The following ACTG1 variants were observed in gnomAD, a reference collection of about 807,000 sequenced individuals.
ACTG1 encodes the protein actin gamma 1.
In ACTG1, 14 loss-of-function variants were observed where a neutral mutation model predicts 34.3. The observed-to-expected ratio is 0.41, with a 90% CI of 0.27 to 0.64. ACTG1 has a LOEUF of 0.64. ACTG1 is among the 30% of genes least tolerant of loss of function. The probability of loss-of-function intolerance (pLI) is 0.33; values close to 1 mark genes in which losing one functional copy is unlikely to be tolerated. For missense variants in ACTG1, 233 were observed against 529.5 expected (o/e 0.44, Z 5.50); for synonymous variants, 422 against 213.9 (o/e 1.97, Z -8.49).
Position 81,511,126 on chromosome 17 carries a change from C to G in ACTG1, c.803-18G>C, listed in dbSNP as rs369978260. On this transcript the variant is annotated intron_variant, in intron 4 of 5. Transcript: ENST00000573283. ...TTCCATACCTAGGGGACAGAGCCCT[C>G]CCTTAGTGATGCTGTGTCACCGAGG... 1.2e-6 allele frequency: 2 copies of G among 1,613,864 alleles called. No individual in the cohort carries two copies. Among genetic ancestry groups the G allele is most frequent in the African/African-American group, 2.7e-5 (2 of 75,028 alleles).
At position 81,511,113 on chromosome 17, in the gene ACTG1, G is replaced by A. The variant is rs551818809; in HGVS notation, c.803-5C>T. The stretch of plus-strand genomic sequence containing the variant: ...GGATGCCGCAAGATTCCATACCTAG[G>A]GGACAGAGCCCTCCCTTAGTGATGC... On this transcript the variant is annotated splice_polypyrimidine_tract_variant and splice_region_variant and intron_variant, in intron 4 of 5. Coordinates refer to ENST00000573283, the MANE Select transcript of ACTG1 (RefSeq NM_001614.5). The A allele has an allele frequency of 4.1e-5, 66 of 1,613,924 alleles. No homozygotes were observed. Among genetic ancestry groups the A allele is most frequent in the Admixed American group, 8.3e-5 (5 of 60,014 alleles).
chr17:81,511,234 A>G lies in ACTG1; in HGVS notation c.756T>C (p.Asn252=), dbSNP rs1291547541. ...GCGCCTCCGGACACCGGAACCGCTC[A>G]TTGCCAATGGTGATGACCTGGCCAT... is the stretch of plus-strand genomic sequence containing the variant. ...LPDGQVITIG[N]ERFRCPEALF... Residue 252 remains asparagine, a synonymous_variant, in exon 4 of 6, where the codon AAT becomes AAC. Coordinates refer to ENST00000573283, the MANE Select transcript of ACTG1 (RefSeq NM_001614.5). 3 of 1,613,614 alleles carry G rather than the reference A, an allele frequency of 1.9e-6. No individual in the cohort carries two copies. In the African/African-American group the frequency reaches 4.0e-5, roughly 22 times the overall value.
Position 81,510,191 on chromosome 17 carries a change from C to T in ACTG1, c.*499G>A. On this transcript the variant is annotated 3_prime_UTR_variant, in exon 6 of 6. Coordinates refer to ENST00000573283, the MANE Select transcript of ACTG1 (RefSeq NM_001614.5). ...CAAGTAACAGCCCACGGTGTTCTGG[C>T]CAAAGACATCAGCTAAGAAAGGAAA... 1.9e-6 allele frequency: 1 copy of T among 519,836 alleles called. No individual in the cohort carries two copies. The highest frequency in any genetic ancestry group is 3.5e-6 in the Non-Finnish European group (1 of 286,556). 32.2% of individuals were successfully genotyped at this position (519,836 alleles called of 1,614,324 possible).
Position 81,511,915 on chromosome 17 carries a change from C to T in ACTG1, c.351G>A (p.Glu117=), listed in dbSNP as rs200772616. ...GGCCGAGCCTCACCTGAGTCATCTT[C>T]TCTCTGTTGGCCTTGGGGTTCAGGG... is the stretch of plus-strand genomic sequence containing the variant. The part of the protein sequence containing the change: ...EAPLNPKANR[E]KMTQIMFETF... The change falls in exon 3 of 6, where the codon GAG becomes GAA. Residue 117 remains glutamate (E), a synonymous_variant. Transcript: ENST00000573283. The T allele has an allele frequency of 5.3e-5, 85 of 1,614,156 alleles. No homozygotes were observed. Among genetic ancestry groups the T allele is most frequent in the Admixed American group, 2.7e-4 (16 of 60,026 alleles).
Position 81,511,591 on chromosome 17 carries a change from G to A in ACTG1, c.399C>T (p.Tyr133=), listed in dbSNP as rs2230158. ...MFETFNTPAM[Y]VAIQAVLSLY... is the part of the protein sequence containing the mutation. ...GGGACAGCACGGCCTGGATGGCCAC[G>A]TACATGGCCGGGGTGTTGAAGGTCT... Residue 133 remains tyrosine (Y), a synonymous_variant, in exon 4 of 6, where the codon TAC becomes TAT. Transcript: ENST00000573283. 0.014 allele frequency: 23,082 copies of A among 1,613,640 alleles called. 260 individuals are homozygous for A. Among genetic ancestry groups the A allele is most frequent in the Middle Eastern group, 0.025 (149 of 6,062 alleles).
In ACTG1 at chr17:81,510,655, C is replaced by A. The variant is rs1555666316; in HGVS notation, c.*35G>T. ...GGGCAAATTTCTATTCTCAATTAACCCATGCAGCAAATGCTACGCATCTGC... is the reference window on the plus strand; with the variant it reads ...GGGCAAATTTCTATTCTCAATTAACACATGCAGCAAATGCTACGCATCTGC... On this transcript the variant is annotated 3_prime_UTR_variant, in exon 6 of 6. Coordinates refer to ENST00000573283, the MANE Select transcript of ACTG1 (RefSeq NM_001614.5). 1.2e-6 allele frequency: 2 copies of A among 1,613,056 alleles called. No homozygotes were observed. Among genetic ancestry groups the A allele is most frequent in the African/African-American group, 1.3e-5 (1 of 75,008 alleles).
In ACTG1 at chr17:81,510,631, G is replaced by C. The variant is rs751477808; in HGVS notation, c.*59C>G. Reference sequence around the variant, plus strand: ...GCATGAGGTGTGTGCATTTGCCAGGGGCAAATTTCTATTCTCAATTAACCC... The same window carrying C: ...GCATGAGGTGTGTGCATTTGCCAGGCGCAAATTTCTATTCTCAATTAACCC... On this transcript the variant is annotated 3_prime_UTR_variant, in exon 6 of 6. Coordinates refer to ENST00000573283, the MANE Select transcript of ACTG1 (RefSeq NM_001614.5). 2 of 1,609,624 alleles carry C rather than the reference G, an allele frequency of 1.2e-6. No individual in the cohort carries two copies.
chr17:81,511,857 G>A (rs1448806853), intron 3 of ACTG1, 46 bp downstream of exon 3: 11 of 1,611,794 alleles, frequency 6.8e-6, no homozygotes, highest in Admixed American at 5.0e-5. Context: ...GGCAGAAAAT[G>A]ACTGGGGAAA....
chr17:81,511,598 G>A lies in ACTG1; in HGVS notation c.392C>T (p.Ala131Val), dbSNP rs2031779976. The change falls in exon 4 of 6, where the codon GCC becomes GTC. Residue 131 changes from alanine (A) to valine (V), a missense_variant. Coordinates refer to ENST00000573283, the MANE Select transcript of ACTG1 (RefSeq NM_001614.5). ...QIMFETFNTP[A>V]MYVAIQAVLS... ...CACGGCCTGGATGGCCACGTACATG[G>A]CCGGGGTGTTGAAGGTCTCAAACAT... is the stretch of plus-strand genomic sequence containing the variant. 1 of 1,613,532 alleles carries A rather than the reference G, an allele frequency of 6.2e-7. No individual in the cohort carries two copies. Among genetic ancestry groups the A allele is most frequent in the Non-Finnish European group, 8.5e-7 (1 of 1,180,006 alleles).
At chr17:81,512,525 A>G (rs1555667406) in intron 1 of ACTG1, 165 bp from the exon 2 acceptor site, 1 of 1,146,606 alleles carries the variant, frequency 8.7e-7, no homozygotes, top group South Asian at 1.3e-5. Context: ...CCTTTTACGT[A>G]ACGTCCACGG....
In ACTG1 at chr17:81,510,236, C is replaced by T. The variant is rs1482140180; in HGVS notation, c.*454G>A. The T allele has an allele frequency of 3.0e-5, 16 of 528,588 alleles. No individual in the cohort carries two copies. Among genetic ancestry groups the T allele is most frequent in the East Asian group, 6.7e-5 (1 of 14,820 alleles). 32.7% of individuals were successfully genotyped at this position (528,588 alleles called of 1,614,324 possible). A position where few individuals can be genotyped will look rare whatever the true frequency, so the allele number is the denominator to read the frequency against. The stretch of plus-strand genomic sequence containing the variant: ...AGGAAACTGGGTCCTACGGCTTGGA[C>T]TTTCCAACCCTGACAGACCCGCAAG... On this transcript the variant is annotated 3_prime_UTR_variant, in exon 6 of 6. Coordinates refer to ENST00000573283, the MANE Select transcript of ACTG1 (RefSeq NM_001614.5).
chr17:81,511,823 A>G lies in ACTG1; in HGVS notation c.363+80T>C, dbSNP rs781939525. On this transcript the variant is annotated intron_variant, in intron 3 of 5. Coordinates refer to ENST00000573283, the MANE Select transcript of ACTG1 (RefSeq NM_001614.5). ...CAGAGCCTGGAACAGCGAAAGAAAC[A>G]CTTAAATGTCAGAAATCAAGCCGGG... 16 of 1,605,934 alleles carry G rather than the reference A, an allele frequency of 1.0e-5. No individual in the cohort carries two copies. In the South Asian group the frequency reaches 1.3e-4, roughly 13 times the overall value.
chr17:81,512,450 G>A (rs782132789), intron 1 of ACTG1, 90 bp from the exon 2 acceptor site: 16 of 1,604,528 alleles, frequency 1.0e-5, no homozygotes, highest in Middle Eastern at 3.3e-4. Context: ...GGGAAGCCTC[G>A]GCCCTGCCCC....
In ACTG1 at chr17:81,510,436, A is replaced by G. The variant is rs1555666165; in HGVS notation, c.*254T>C. On this transcript the variant is annotated 3_prime_UTR_variant, in exon 6 of 6. Coordinates refer to ENST00000573283, the MANE Select transcript of ACTG1 (RefSeq NM_001614.5). ...ACGAAGTGACCAAGCCACACGTACT[A>G]AAGGTTGAACTCAAAGATATGTACA... is the stretch of plus-strand genomic sequence containing the variant. 2 of 613,648 alleles carry G rather than the reference A, an allele frequency of 3.3e-6. No homozygotes were observed. The highest frequency in any genetic ancestry group is 3.4e-5 in the East Asian group (1 of 29,276). The allele number at this position is 613,648 out of a possible 1,614,324, so 38.0% of individuals were successfully genotyped here.
intron 1 of ACTG1, 142 bp from the exon 2 acceptor site, chr17:81,512,502 A>G: frequency 2.2e-6 from 3 of 1,378,454 alleles, no homozygotes; most frequent in Non-Finnish European, 3.1e-6. Flanking sequence ...ACCGCCTGGA[A>G]CCGAAGGCCG....
chr17:81,510,820 G>A lies in ACTG1; in HGVS notation c.998C>T (p.Pro333Leu). The A allele has an allele frequency of 6.2e-7, 1 of 1,613,964 alleles. No individual in the cohort carries two copies. ...GATCCACACCGAGTACTTGCGCTCT[G>A]GGGGTGCGATGATCTGCAAAGACAG... is the stretch of plus-strand genomic sequence containing the variant. ...STMKIKIIAPPERKYSVWIGG... is the reference protein window; with the variant it reads ...STMKIKIIAPLERKYSVWIGG... The change falls in exon 6 of 6, where the codon CCA becomes CTA. Residue 333 changes from proline (P) to leucine (L), a missense_variant. Pro to Leu is a moderately conservative substitution (Grantham distance 98). Transcript: ENST00000573283.
In ACTG1 at chr17:81,512,773, G is replaced by C. The variant is rs781836332; in HGVS notation, c.-46C>G. 6.2e-5 allele frequency: 26 copies of C among 417,380 alleles called. No homozygotes were observed. The highest frequency in any genetic ancestry group is 2.0e-4 in the East Asian group (2 of 9,904). The allele number at this position is 417,380 out of a possible 1,614,324, so 25.9% of individuals were successfully genotyped here. ...GACGGCGGAGCGGCGGAAGAACAGA[G>C]TGCGAGAGCTGGCAGCGGCGACTGA... On this transcript the variant is annotated 5_prime_UTR_variant, in exon 1 of 6. Coordinates refer to ENST00000573283, the MANE Select transcript of ACTG1 (RefSeq NM_001614.5).
In ACTG1 at chr17:81,512,451, G is replaced by A. The variant is rs1247638073; in HGVS notation, c.-6-91C>T. 1.2e-5 allele frequency: 20 copies of A among 1,604,602 alleles called. No individual in the cohort carries two copies. In the South Asian group the frequency reaches 1.5e-4, roughly 12 times the overall value. The stretch of plus-strand genomic sequence containing the variant: ...AATGCCCTCCCGCGGGGAAGCCTCG[G>A]CCCTGCCCCAACCCCAGCGGCCGTG... On this transcript the variant is annotated intron_variant, in intron 1 of 5. Transcript: ENST00000573283.
In ACTG1 at chr17:81,511,567, G is replaced by T; in HGVS notation, c.423C>A (p.Ser141=). The change falls in exon 4 of 6, where the codon TCC becomes TCA. Residue 141 remains serine (S), a synonymous_variant. Transcript: ENST00000573283. The part of the protein sequence containing the change: ...AMYVAIQAVL[S]LYASGRTTGI... Reference sequence around the variant, plus strand: ...CAGTGGTGCGCCCAGAGGCGTAGAGGGACAGCACGGCCTGGATGGCCACGT... The same window carrying T: ...CAGTGGTGCGCCCAGAGGCGTAGAGTGACAGCACGGCCTGGATGGCCACGT... The T allele has an allele frequency of 6.2e-7, 1 of 1,613,846 alleles. No individual in the cohort carries two copies. Among genetic ancestry groups the T allele is most frequent in the Non-Finnish European group, 8.5e-7 (1 of 1,180,016 alleles).
Sources: gnomAD v4.1 joint callset for allele counts on GRCh38, gnomAD v4.1.1 for gene constraint, MANE v1.5 for transcripts, NCBI Gene and HGNC (gene_info 2026-07-23, HGNC 2026-07-21) for gene names.